The following CCDC102A variants were observed in gnomAD, a reference collection of about 807,000 sequenced individuals.
CCDC102A encodes coiled-coil domain-containing protein 102A.
A neutral mutation model predicts 55.5 loss-of-function variants in CCDC102A; 40 were observed. That is an observed-to-expected ratio of 0.72 (90% CI 0.56 to 0.94). The LOEUF is 0.94. Ranked by LOEUF, CCDC102A falls within the 40% of genes least tolerant of loss-of-function variation. The pLI, the probability that CCDC102A is intolerant of heterozygous loss-of-function variation, is 0.00. For synonymous variants in CCDC102A, 323 were observed against 339.0 expected, an observed-to-expected ratio of 0.95 and a Z score of 0.52; for missense variants, 779 against 768.6, an observed-to-expected ratio of 1.01 and a Z score of -0.16.
intron 8 of CCDC102A, among the ~76,000 whole-genome samples, chr16:57,514,532 TACTC>T (rs1400800338): frequency 6.6e-6 from 1 of 152,298 alleles, no homozygotes; most frequent in Non-Finnish European, 1.5e-5. Flanking sequence ...GCTCATTTAA[TACTC>T]ACAACAATCA....
At chr16:57,524,846 C>G (rs1475428121) in intron 3 of CCDC102A, among the ~76,000 whole-genome samples, 1 of 152,176 alleles carries the variant, frequency 6.6e-6, no homozygotes, top group Non-Finnish European at 1.5e-5. Flanking sequence ...CACTGGTGAC[C>G]TCCACATTCT....
At chr16:57,536,977 C>T (rs558140161), upstream of CCDC102A, among the ~76,000 whole-genome samples, 38 of 152,318 alleles carry the variant, frequency 2.5e-4, no homozygotes, top group African/African-American at 8.4e-4. Flanking sequence ...TTTCCCTGGG[C>T]CAGCTCTGCC....
chr16:57,516,357 T>G lies in CCDC102A; in HGVS notation c.1355A>C (p.Glu452Ala), dbSNP rs1397252372. The G allele has an allele frequency of 4.4e-6, 7 of 1,608,764 alleles. No individual in the cohort carries two copies. The highest frequency in any genetic ancestry group is 1.3e-5 in the African/African-American group (1 of 74,950). The change falls in exon 7 of 9, where the codon GAG becomes GCG. Residue 452 changes from glutamate (E) to alanine (A), a missense_variant. Glu to Ala is a moderately radical substitution (Grantham distance 107). Coordinates refer to ENST00000258214, the MANE Select transcript of CCDC102A (RefSeq NM_033212.4). The surrounding 1 kb of genome is among the most constrained non-coding windows in gnomAD (Gnocchi z 4.4). ...ANRRVEQHEA[E>A]VKKLRLRVEE... ...CACCCGCAGCCGCAGCTTCTTCACC[T>G]CAGCCTCGTGCTGCTCCACCCGCCG...
chr16:57,525,846 G>A, intron 3 of CCDC102A, 55 bp downstream of exon 3: 1 of 1,483,552 alleles, frequency 6.7e-7, no homozygotes, highest in South Asian at 1.2e-5. Flanking sequence ...GATTCTGAGG[G>A]CGTTGTAGCA....
chr16:57,515,754 A>G (rs74648812), intron 7 of CCDC102A, among the ~76,000 whole-genome samples: 1,522 of 150,402 alleles, frequency 0.01, 22 homozygotes, highest in African/African-American at 0.035. Context: ...GGAGATATTC[A>G]TCTGCCCATG....
intron 1 of CCDC102A, among the ~76,000 whole-genome samples, chr16:57,533,899 TGCGTGGG>T (rs1269062879): frequency 6.6e-6 from 1 of 152,168 alleles, no homozygotes; most frequent in East Asian, 1.9e-4. Context: ...GGTGTCTATG[TGCGTGGG>T]GCGTGGCCTC....
At chr16:57,535,445 C>G (rs553264999) in intron 1 of CCDC102A, among the ~76,000 whole-genome samples, 1 of 152,172 alleles carries the variant, frequency 6.6e-6, no homozygotes, top group Non-Finnish European at 1.5e-5. Flanking sequence ...GTGTCCACAC[C>G]GCGGACCAGC....
rs1214718705 is a variant in CCDC102A at position 57,532,734 on chromosome 16, C to G, written c.-147-3410G>C. Among the ~76,000 whole-genome samples the G allele has an allele frequency of 2.1e-5, 3 of 139,664 alleles. No homozygotes were observed. The East Asian group carries it at 6.5e-4, about 30-fold the overall frequency. The allele number at this position is 139,664 out of a possible 152,430, so 91.6% of individuals were successfully genotyped here. On this transcript the variant is annotated intron_variant, in intron 1 of 8. Coordinates refer to ENST00000258214, the MANE Select transcript of CCDC102A (RefSeq NM_033212.4). ...ACACACACACACACACACACACACACAGAGGCAGACACACACACTCCTCCT... is the reference window on the plus strand; with the variant it reads ...ACACACACACACACACACACACACAGAGAGGCAGACACACACACTCCTCCT...
intron 1 of CCDC102A, among the ~76,000 whole-genome samples, chr16:57,530,535 G>A (rs2032237439): frequency 6.6e-6 from 1 of 152,084 alleles, no homozygotes; most frequent in African/African-American, 2.4e-5. Flanking sequence ...AGCCCTCTAT[G>A]TCCCCTCTCC....
At chr16:57,528,000 T>C (rs1408072609) in intron 2 of CCDC102A, among the ~76,000 whole-genome samples, 1 of 152,136 alleles carries the variant, frequency 6.6e-6, no homozygotes, top group Non-Finnish European at 1.5e-5. Context: ...CAGGCTGGAG[T>C]GCAGCAGTAT....
At chr16:57,514,803 G>A (rs972882317) in intron 8 of CCDC102A, among the ~76,000 whole-genome samples, 2 of 152,182 alleles carry the variant, frequency 1.3e-5, no homozygotes, top group Non-Finnish European at 2.9e-5. Flanking sequence ...TGGGAGGGAC[G>A]TGGACTGAAG....
At position 57,516,058 on chromosome 16, in the gene CCDC102A, A is replaced by G. The variant is rs1159854975; in HGVS notation, c.1419+235T>C. ...CATTCATTCCTTTACCCATTGGTTC[A>G]TCCATGCACACATCCATCTTGTCTT... On this transcript the variant is annotated intron_variant, in intron 7 of 8. Transcript: ENST00000258214. This position sits in a 1 kb window ranked among gnomAD's most constrained non-coding sequence, Gnocchi z 4.4. Among the ~76,000 whole-genome samples, 1 of 152,042 alleles carries G rather than the reference A, an allele frequency of 6.6e-6. No homozygotes were observed. Among genetic ancestry groups the G allele is most frequent in the Non-Finnish European group, 1.5e-5 (1 of 68,000 alleles).
At chr16:57,520,586 CATAACATAAATAAAATAAA>C (rs2032029936) in intron 4 of CCDC102A, among the ~76,000 whole-genome samples, 1 of 121,374 alleles carries the variant, frequency 8.2e-6, no homozygotes, top group Admixed American at 8.9e-5. Flanking sequence ...CATAACATAA[CATAACATAAATAAAATAAA>C]ATAAATAAAA....
chr16:57,536,036 G>A (rs2032373596), intron 1 of CCDC102A, among the ~76,000 whole-genome samples: 1 of 152,124 alleles, frequency 6.6e-6, no homozygotes, highest in South Asian at 2.1e-4. Flanking sequence ...GGGGGTTCCC[G>A]GCCCGCGCCG....
chr16:57,517,927 C>T (rs572409651), intron 6 of CCDC102A, 141 bp downstream of exon 6: 1 of 973,962 alleles, frequency 1.0e-6, no homozygotes, highest in African/African-American at 1.6e-5. Flanking sequence ...ACTATAATTA[C>T]CAACTGGTCT....
At position 57,528,793 on chromosome 16, in the gene CCDC102A, G is replaced by C. The variant is rs1313396460; in HGVS notation, c.385C>G (p.Leu129Val). 3 of 1,214,622 alleles carry C rather than the reference G, an allele frequency of 2.5e-6. No individual in the cohort carries two copies. Among genetic ancestry groups the C allele is most frequent in the Non-Finnish European group, 3.1e-6 (3 of 967,918 alleles). The allele number at this position is 1,214,622 out of a possible 1,614,324, so 75.2% of individuals were successfully genotyped here. A position where few individuals can be genotyped will look rare whatever the true frequency, so the allele number is the denominator to read the frequency against. ...GCCAGCTCCTTGGTGAGCGCGTCCAGGCGCTGGCGCAGCTGGCGCACCTCC... is the reference window on the plus strand; with the variant it reads ...GCCAGCTCCTTGGTGAGCGCGTCCACGCGCTGGCGCAGCTGGCGCACCTCC... Reference protein sequence around the residue: ...REEVRQLRQRLDALTKELAGA... With the variant: ...REEVRQLRQRVDALTKELAGA... Residue 129 changes from leucine to valine, a missense_variant, in exon 2 of 9, where the codon CTG (leucine) becomes GTG (valine). Physicochemically the swap from Leu to Val is conservative, Grantham distance 32. Transcript: ENST00000258214.
chr16:57,528,275 T>C (rs565784641), intron 2 of CCDC102A, among the ~76,000 whole-genome samples: 266 of 152,372 alleles, frequency 1.7e-3, no homozygotes, highest in Non-Finnish European at 3.1e-3. Context: ...ATTGAATCAA[T>C]GGATTCGGCT....
chr16:57,517,053 T>C (rs2031967655), intron 6 of CCDC102A, among the ~76,000 whole-genome samples: 3 of 152,134 alleles, frequency 2.0e-5, no homozygotes. Flanking sequence ...CCCTCTCTTG[T>C]TGTCCAGGGA....
At chr16:57,535,984 T>A (rs752247730) in intron 1 of CCDC102A, among the ~76,000 whole-genome samples, 1 of 152,122 alleles carries the variant, frequency 6.6e-6, no homozygotes, top group Non-Finnish European at 1.5e-5. Flanking sequence ...CCGCTGGCCC[T>A]GCGAACCGCC....
Sources: gnomAD v4.1 joint callset for allele counts (sites outside exome capture counted in the v4.1 genomes callset) on GRCh38, gnomAD v4.1.1 for gene constraint, Gnocchi (gnomAD v3.1) non-coding constraint, MANE v1.5 for transcripts, NCBI Gene and HGNC (gene_info 2026-07-23, HGNC 2026-07-21) for gene names.